Variants in SSU72L6 observed in about 807,000 individuals in gnomAD.
SSU72L6 encodes RNA polymerase II subunit A C-terminal domain phosphatase SSU72 like protein 6.
At chr7:124,476,337 G>T in the SSU72L6 span, 45 of 741,098 alleles carry the variant, frequency 6.1e-5, no homozygotes, top group Middle Eastern at 1.1e-3. Context: ...CAGCTGAGGT[G>T]CCTGTGTCTC....
the SSU72L6 span, chr7:124,476,912 A>G: frequency 1.3e-6 from 1 of 763,994 alleles, no homozygotes; most frequent in Non-Finnish European, 2.4e-6. Flanking sequence ...CAAATGGAGG[A>G]GAAGGCAGGA....
At chr7:124,477,068 T>C in the SSU72L6 span, 1 of 602,380 alleles carries the variant, frequency 1.7e-6, no homozygotes, top group Non-Finnish European at 3.0e-6. Context: ...CTGTTTGTAT[T>C]ACTTTTGTAC....
At chr7:124,476,336 T>G in the SSU72L6 span, 4 of 737,124 alleles carry the variant, frequency 5.4e-6, no homozygotes, top group Non-Finnish European at 7.6e-6. Context: ...GCAGCTGAGG[T>G]GCCTGTGTCT....
the SSU72L6 span, chr7:124,476,967 G>A: frequency 9.6e-6 from 7 of 730,100 alleles, no homozygotes; most frequent in African/African-American, 3.4e-5. Context: ...GATCTGGGCT[G>A]GCTTTGTCTC....
the SSU72L6 span, among the ~76,000 whole-genome samples, chr7:124,477,646 TAA>T: frequency 4.8e-3 from 640 of 132,998 alleles, 3 homozygotes; most frequent in African/African-American, 0.013. Flanking sequence ...AAAATTTAAA[TAA>T]AAAAAAAAAA....
At chr7:124,477,533 C>T in the SSU72L6 span, among the ~76,000 whole-genome samples, 150 of 150,952 alleles carry the variant, frequency 9.9e-4, 1 homozygote, top group Admixed American at 3.8e-3. Flanking sequence ...TTTACTAATG[C>T]TCACTTTAAT....
At chr7:124,476,598 C>T in the SSU72L6 span, 1 of 780,594 alleles carries the variant, frequency 1.3e-6, no homozygotes, top group African/African-American at 1.7e-5. Flanking sequence ...GAGAATGCTA[C>T]ACCCACAATG....
the SSU72L6 span, chr7:124,476,786 T>C: frequency 2.6e-6 from 2 of 779,522 alleles, no homozygotes; most frequent in Admixed American, 1.7e-5. Context: ...GTGATCAACA[T>C]GGACATCAAA....
chr7:124,476,910 G>A, the SSU72L6 span: 1 of 763,944 alleles, frequency 1.3e-6, no homozygotes, highest in Non-Finnish European at 2.4e-6. Context: ...TGCAAATGGA[G>A]GAGAAGGCAG....
At chr7:124,476,467 G>A in the SSU72L6 span, 1 of 780,564 alleles carries the variant, frequency 1.3e-6, no homozygotes, top group Non-Finnish European at 2.4e-6. Context: ...AGGGCTAAGT[G>A]TCCGGTCTTT....
At chr7:124,477,093 G>C in the SSU72L6 span, 1 of 595,500 alleles carries the variant, frequency 1.7e-6, no homozygotes, top group Non-Finnish European at 3.0e-6. Flanking sequence ...CACCTGGAAA[G>C]AGACTATTAC....
chr7:124,476,675 C>G, the SSU72L6 span: 1 of 780,698 alleles, frequency 1.3e-6, no homozygotes, highest in Non-Finnish European at 2.4e-6. Flanking sequence ...CAGGAATGCA[C>G]TGAATTCTTT....
chr7:124,476,474 C>T, the SSU72L6 span: 1 of 780,612 alleles, frequency 1.3e-6, no homozygotes, highest in South Asian at 1.3e-5. Context: ...AGTGTCCGGT[C>T]TTTCGGAACT....
chr7:124,477,281 A>G, the SSU72L6 span, among the ~76,000 whole-genome samples: 1 of 152,184 alleles, frequency 6.6e-6, no homozygotes, highest in South Asian at 2.1e-4. Context: ...CTGATAATGG[A>G]CTGCTGGAAA....
chr7:124,476,500 C>G, the SSU72L6 span: 2 of 780,674 alleles, frequency 2.6e-6, no homozygotes, highest in South Asian at 2.7e-5. Flanking sequence ...TCATGTGAGG[C>G]TACCAGGACG....
At chr7:124,476,500 C>T in the SSU72L6 span, 1 of 780,556 alleles carries the variant, frequency 1.3e-6, no homozygotes, top group Admixed American at 1.7e-5. Context: ...TCATGTGAGG[C>T]TACCAGGACG....
At chr7:124,476,673 C>T in the SSU72L6 span, 6 of 780,554 alleles carry the variant, frequency 7.7e-6, no homozygotes, top group East Asian at 1.2e-4. Context: ...TTCAGGAATG[C>T]ACTGAATTCT....
chr7:124,476,551 T>C, the SSU72L6 span: 11 of 780,518 alleles, frequency 1.4e-5, no homozygotes, highest in Non-Finnish European at 2.6e-5. Context: ...TGCAACAACA[T>C]ATAAGGAGAT....
At chr7:124,477,029 A>G in the SSU72L6 span, 2 of 631,202 alleles carry the variant, frequency 3.2e-6, no homozygotes, top group Non-Finnish European at 5.7e-6. Context: ...TGATTGTGAG[A>G]AGTATCTACA....
Sources: gnomAD v4.1 joint callset for allele counts (sites outside exome capture counted in the v4.1 genomes callset) on GRCh38, gnomAD v4.1.1 for gene constraint, MANE v1.5 for transcripts, NCBI Gene and HGNC (gene_info 2026-07-23, HGNC 2026-07-21) for gene names.